DMD: variants seen among roughly 807,000 people sequenced by gnomAD.
DMD encodes the protein mutant dystrophin.
Under a neutral mutation model 330.1 loss-of-function variants are expected in DMD, and 63 were observed. The observed-to-expected ratio is 0.19, with a 90% CI of 0.16 to 0.24. DMD has a LOEUF of 0.24. Among genes scored for constraint, DMD ranks in the 10% least tolerant of loss-of-function variants. The pLI is 1.00. For missense variants in DMD, 3,344 were observed against 2,684.1 expected (o/e 1.25, Z -5.43); for synonymous variants, 1,223 against 959.8 (o/e 1.27, Z -5.07).
At chrX:32,569,856 A>G (rs1033616246) in intron 15 of DMD, among the ~76,000 whole-genome samples, 1 of 111,148 alleles carries the variant, frequency 9.0e-6, no homozygotes, top group African/African-American at 3.3e-5. Context: ...GCAGAAATAC[A>G]TTTACTCAGG....
chrX:31,179,628 G>A (rs2040944409), intron 69 of DMD, among the ~76,000 whole-genome samples: 1 of 111,873 alleles, frequency 8.9e-6, no homozygotes, highest in African/African-American at 3.2e-5. Context: ...AACCTGAGAG[G>A]AGCCTGTCTT....
At chrX:32,372,057 G>C (rs1171838650) in intron 34 of DMD, among the ~76,000 whole-genome samples, 1 of 111,366 alleles carries the variant, frequency 9.0e-6, no homozygotes, top group Non-Finnish European at 1.9e-5. Flanking sequence ...ATCAGGCATA[G>C]TATTACAGTT....
chrX:32,290,354 C>A (rs2148473009), intron 42 of DMD, among the ~76,000 whole-genome samples: 1 of 111,971 alleles, frequency 8.9e-6, no homozygotes, highest in East Asian at 2.8e-4. Context: ...GTATATACCA[C>A]TAATTTGAAA....
At chrX:31,874,980 T>A (rs1240264874) in intron 48 of DMD, among the ~76,000 whole-genome samples, 1 of 111,192 alleles carries the variant, frequency 9.0e-6, no homozygotes, top group East Asian at 2.8e-4. Context: ...GTATTTAGAG[T>A]TGAGCCCAAT....
intron 55 of DMD, 117 bp from the exon 56 acceptor site, chrX:31,507,570 A>G (rs1279488315): frequency 6.8e-6 from 5 of 733,761 alleles, no homozygotes; most frequent in Non-Finnish European, 1.0e-5. Context: ...AAGACATTTC[A>G]ATCAGGCTAA....
chrX:32,447,632 G>A (rs1443564804), intron 27 of DMD, among the ~76,000 whole-genome samples: 1 of 111,490 alleles, frequency 9.0e-6, no homozygotes, highest in Non-Finnish European at 1.9e-5. Flanking sequence ...AAGTAAAGAG[G>A]TACCTGAACA....
At chrX:32,052,712 G>C (rs1235395318) in intron 44 of DMD, among the ~76,000 whole-genome samples, 2 of 111,176 alleles carry the variant, frequency 1.8e-5, no homozygotes, top group African/African-American at 6.5e-5. Flanking sequence ...AATTAAGTGG[G>C]AAGGTGGGCA....
intron 44 of DMD, among the ~76,000 whole-genome samples, chrX:32,116,993 G>A (rs1460645523): frequency 1.8e-5 from 2 of 111,386 alleles, no homozygotes; most frequent in Non-Finnish European, 3.8e-5. Flanking sequence ...AGTTTAATTT[G>A]CAGCCCCCCA....
chrX:32,061,824 C>A (rs1169995227), intron 44 of DMD, among the ~76,000 whole-genome samples: 1 of 111,212 alleles, frequency 9.0e-6, no homozygotes, highest in African/African-American at 3.3e-5. Context: ...AAATGATGAG[C>A]TAGAAAGGAA....
intron 29 of DMD, among the ~76,000 whole-genome samples, chrX:32,413,998 G>T (rs746061213): frequency 9.0e-6 from 1 of 111,315 alleles, no homozygotes; most frequent in East Asian, 2.8e-4. Flanking sequence ...TGGGATTATA[G>T]GCGTGAGACA....
chrX:32,573,651 A>C lies in DMD; in HGVS notation c.1705-14T>G. On this transcript the variant is annotated splice_polypyrimidine_tract_variant and intron_variant, in intron 14 of 78. Transcript: ENST00000357033. ...ACTAAAAAGGCACTGCAAGACATTA[A>C]AGAATTCCAAGGAATAAATAAACAT... 1 of 1,198,936 alleles carries C rather than the reference A, an allele frequency of 8.3e-7. No individual in the cohort carries two copies. The highest frequency in any genetic ancestry group is 1.8e-5 in the South Asian group (1 of 56,734).
chrX:31,534,932 G>T (rs2074024357), intron 55 of DMD, among the ~76,000 whole-genome samples: 1 of 54,055 alleles, frequency 1.8e-5, no homozygotes, highest in Non-Finnish European at 3.2e-5. Context: ...ACTTACAAGG[G>T]ATGTGAAGGA....
chrX:32,317,801 T>C (rs2097588633), intron 41 of DMD, among the ~76,000 whole-genome samples: 2 of 106,960 alleles, frequency 1.9e-5, no homozygotes, highest in African/African-American at 6.7e-5. Flanking sequence ...AAAAATAGAC[T>C]ATTATCTTGA....
chrX:33,304,638 A>T (rs1441004902), intron 1 of DMD, among the ~76,000 whole-genome samples: 3 of 102,863 alleles, frequency 2.9e-5, no homozygotes, highest in African/African-American at 7.1e-5. Context: ...CAACCTACAA[A>T]ATGGGAGAAA....
At chrX:31,453,800 A>AAAAAAAT (rs2065956896) in intron 59 of DMD, among the ~76,000 whole-genome samples, 1 of 105,392 alleles carries the variant, frequency 9.5e-6, no homozygotes, top group Admixed American at 1.0e-4. Context: ...ACCACAAAAT[A>AAAAAAAT]CTTCAAGCTT....
intron 43 of DMD, among the ~76,000 whole-genome samples, chrX:32,268,619 A>G (rs1369859715): frequency 9.0e-6 from 1 of 111,427 alleles, no homozygotes; most frequent in South Asian, 3.8e-4. Flanking sequence ...TTGAACTCAC[A>G]TCCTTGTCTC....
At chrX:33,326,765 A>G (rs1241912774) in intron 1 of DMD, among the ~76,000 whole-genome samples, 1 of 111,878 alleles carries the variant, frequency 8.9e-6, no homozygotes, top group African/African-American at 3.2e-5. Flanking sequence ...TGTGAAGGGT[A>G]AACTGGAGAG....
chrX:31,685,047 A>G (rs1329096464), intron 52 of DMD, among the ~76,000 whole-genome samples: 1 of 112,037 alleles, frequency 8.9e-6, no homozygotes, highest in Non-Finnish European at 1.9e-5. Flanking sequence ...TGCTTAAAGT[A>G]GCTTTAACTA....
intron 47 of DMD, among the ~76,000 whole-genome samples, chrX:31,906,187 T>A (rs1386765200): frequency 8.9e-6 from 1 of 111,900 alleles, no homozygotes; most frequent in African/African-American, 3.3e-5. Flanking sequence ...CCTGCTGCCA[T>A]GTGAAGAAGA....
Sources: allele counts gnomAD v4.1 joint callset (sites outside exome capture counted in the v4.1 genomes callset), GRCh38; gene constraint gnomAD v4.1.1; transcripts MANE v1.5; gene names NCBI Gene and HGNC (gene_info 2026-07-23, HGNC 2026-07-21).